The following FKTN variants were observed in gnomAD, a reference collection of about 807,000 sequenced individuals.
FKTN encodes the protein ribitol-5-phosphate transferase FKTN.
A neutral mutation model predicts 58.6 loss-of-function variants in FKTN; 47 were observed. The ratio of observed to expected loss-of-function variants is 0.80; its 90% CI spans 0.63 to 1.02. The LOEUF (loss-of-function observed/expected upper bound fraction) is 1.02. FKTN is among the 50% of genes least tolerant of loss of function. The pLI is 0.00. For synonymous variants in FKTN, 178 were observed against 191.9 expected, an observed-to-expected ratio of 0.93 and a Z score of 0.60; for missense variants, 516 against 537.3, an observed-to-expected ratio of 0.96 and a Z score of 0.39.
At chr9:105,616,804 G>A (rs1181325169) in intron 8 of FKTN, among the ~76,000 whole-genome samples, 2 of 151,650 alleles carry the variant, frequency 1.3e-5, no homozygotes, top group Non-Finnish European at 2.9e-5. Flanking sequence ...TGGGATATAC[G>A]GTTATCCTAT....
chr9:105,618,630 A>G (rs1032759877), intron 9 of FKTN, among the ~76,000 whole-genome samples: 3 of 152,196 alleles, frequency 2.0e-5, no homozygotes, highest in Admixed American at 1.3e-4. Context: ...TTGCTCAGAC[A>G]TCAACTAGGG....
chr9:105,622,489 G>T (rs1465275997), intron 10 of FKTN, among the ~76,000 whole-genome samples: 2 of 151,686 alleles, frequency 1.3e-5, no homozygotes, highest in Non-Finnish European at 2.9e-5. Flanking sequence ...TACCTATCAG[G>T]CACTGTGATA....
chr9:105,595,197 A>G (rs1272630662), intron 3 of FKTN, among the ~76,000 whole-genome samples: 1 of 152,166 alleles, frequency 6.6e-6, no homozygotes, highest in African/African-American at 2.4e-5. Flanking sequence ...GTGGCTGTTA[A>G]TAGGAACATA....
intron 3 of FKTN, among the ~76,000 whole-genome samples, chr9:105,576,744 C>T (rs1841793813): frequency 1.2e-5 from 1 of 82,098 alleles, no homozygotes; most frequent in South Asian, 4.4e-4. Context: ...AATCGCCACA[C>T]TGACTTCCAC....
At position 105,607,890 on chromosome 9, in the gene FKTN, A is replaced by G. The variant is rs1829193310; in HGVS notation, c.719A>G (p.Glu240Gly). Residue 240 changes from glutamate (E) to glycine (G), a missense_variant, in exon 7 of 11, where the codon GAA becomes GGA. Glu to Gly is a moderately conservative substitution (Grantham distance 98, BLOSUM62 -2). Coordinates refer to ENST00000357998, the MANE Select transcript of FKTN (RefSeq NM_001079802.2). Reference protein sequence around the residue: ...LIPKDPMHFVEEVPHSRFIEC... With the variant: ...LIPKDPMHFVGEVPHSRFIEC... ...CCAAAGGATCCAATGCACTTTGTAG[A>G]AGAAGTACCACACTCTAGGTTTATT... 6.2e-7 allele frequency: 1 copy of G among 1,611,530 alleles called. No homozygotes were observed. Among genetic ancestry groups the G allele is most frequent in the Non-Finnish European group, 8.5e-7 (1 of 1,177,892 alleles).
intron 10 of FKTN, among the ~76,000 whole-genome samples, chr9:105,624,763 G>T (rs1362610622): frequency 6.6e-6 from 1 of 151,824 alleles, no homozygotes; most frequent in African/African-American, 2.4e-5. Context: ...ATATTACAGT[G>T]CATTTTGAAT....
At position 105,640,014 on chromosome 9, in the gene FKTN, G is replaced by T; in HGVS notation, c.*4750G>T. 1.3e-6 allele frequency: 2 copies of T among 1,525,822 alleles called. No individual in the cohort carries two copies. Among genetic ancestry groups the T allele is most frequent in the Non-Finnish European group, 1.8e-6 (2 of 1,138,878 alleles). 94.5% of individuals were successfully genotyped at this position (1,525,822 alleles called of 1,614,324 possible). A position where few individuals can be genotyped will look rare whatever the true frequency, so the allele number is the denominator to read the frequency against. The stretch of plus-strand genomic sequence containing the variant: ...ATTTCATTTAATTATCTATGCTGAT[G>T]AATGCCTGTATCATTGTTAATAAAG... On this transcript the variant is annotated 3_prime_UTR_variant, in exon 11 of 11. Coordinates refer to ENST00000357998, the MANE Select transcript of FKTN (RefSeq NM_001079802.2).
intron 7 of FKTN, among the ~76,000 whole-genome samples, chr9:105,612,479 G>A (rs1401891637): frequency 7.1e-6 from 1 of 140,222 alleles, no homozygotes; most frequent in Non-Finnish European, 1.5e-5. Context: ...GTCCTAAATG[G>A]TATTGCCTGG....
chr9:105,602,660 A>G (rs1246662234), intron 5 of FKTN, among the ~76,000 whole-genome samples: 1 of 152,154 alleles, frequency 6.6e-6, no homozygotes, highest in Non-Finnish European at 1.5e-5. Context: ...GGCTCAAGGG[A>G]TTCTCCTGCC....
intron 3 of FKTN, among the ~76,000 whole-genome samples, chr9:105,595,218 G>C (rs896731055): frequency 2.6e-5 from 4 of 152,072 alleles, no homozygotes; most frequent in Non-Finnish European, 5.9e-5. Flanking sequence ...GTTTCTTTTT[G>C]GAGTGATTAA....
intron 1 of FKTN, among the ~76,000 whole-genome samples, chr9:105,563,319 C>T (rs530275560): frequency 1.3e-5 from 2 of 152,248 alleles, no homozygotes; most frequent in South Asian, 4.1e-4. Context: ...ACAGTGGGTG[C>T]AGCGCACCGA....
At chr9:105,629,593 C>T (rs1253865265) in intron 10 of FKTN, among the ~76,000 whole-genome samples, 1 of 152,110 alleles carries the variant, frequency 6.6e-6, no homozygotes, top group Non-Finnish European at 1.5e-5. Flanking sequence ...TTATGTAGAG[C>T]TATAGAGTTT....
At chr9:105,566,116 A>G (rs962643817) in intron 1 of FKTN, among the ~76,000 whole-genome samples, 8 of 152,362 alleles carry the variant, frequency 5.3e-5, no homozygotes, top group South Asian at 2.1e-4. Context: ...ACAAAGACAC[A>G]ACATACCAGA....
At chr9:105,586,176 C>G (rs576917390) in intron 3 of FKTN, among the ~76,000 whole-genome samples, 1 of 152,122 alleles carries the variant, frequency 6.6e-6, no homozygotes, top group Non-Finnish European at 1.5e-5. Flanking sequence ...CTATGATCCT[C>G]CAAATGGGAT....
chr9:105,609,797 C>T (rs764413889), intron 7 of FKTN, among the ~76,000 whole-genome samples: 1 of 152,072 alleles, frequency 6.6e-6, no homozygotes, highest in Non-Finnish European at 1.5e-5. Flanking sequence ...TGATTTATCC[C>T]ATTACTGTTG....
intron 1 of FKTN, among the ~76,000 whole-genome samples, chr9:105,558,676 T>G (rs527467525): frequency 7.2e-5 from 11 of 151,768 alleles, no homozygotes; most frequent in African/African-American, 2.7e-4. Context: ...ATCAGATTCT[T>G]TATGCTTTTG....
intron 5 of FKTN, among the ~76,000 whole-genome samples, chr9:105,603,212 T>C (rs1433165953): frequency 6.6e-6 from 1 of 152,232 alleles, no homozygotes; most frequent in Non-Finnish European, 1.5e-5. Context: ...GCCTTTTAAA[T>C]ATTTCCTGAA....
At chr9:105,571,606 T>G (rs1470452057) in intron 1 of FKTN, among the ~76,000 whole-genome samples, 4 of 152,220 alleles carry the variant, frequency 2.6e-5, no homozygotes, top group African/African-American at 9.6e-5. Context: ...AGGCCTATTA[T>G]GTGTTCTTTC....
chr9:105,603,622 C>T (rs186203544), intron 5 of FKTN: 2 of 152,708 alleles, frequency 1.3e-5, no homozygotes, highest in African/African-American at 4.8e-5. Flanking sequence ...AAAACACTAA[C>T]ATGAGCATTC....
Sources: allele counts gnomAD v4.1 joint callset (sites outside exome capture counted in the v4.1 genomes callset), GRCh38; gene constraint gnomAD v4.1.1; transcripts MANE v1.5; gene names NCBI Gene and HGNC (gene_info 2026-07-23, HGNC 2026-07-21).